The following RIMS2 variants were observed in gnomAD, a reference collection of about 807,000 sequenced individuals.
The protein encoded by RIMS2 is regulating synaptic membrane exocytosis 2, also known as regulating synaptic membrane exocytosis protein 2.
A neutral mutation model predicts 174.4 loss-of-function variants in RIMS2; 59 were observed. The ratio of observed to expected loss-of-function variants is 0.34; its 90% CI spans 0.27 to 0.42. The LOEUF (loss-of-function observed/expected upper bound fraction) is 0.42. Ranked by LOEUF, RIMS2 falls within the 10% of genes least tolerant of loss-of-function variation. RIMS2 has a pLI of 1.00. For missense variants in RIMS2, 1,620 were observed against 1,666.3 expected, an observed-to-expected ratio of 0.97 and a Z score of 0.48; for synonymous variants, 606 against 572.5, an observed-to-expected ratio of 1.06 and a Z score of -0.84.
At chr8:103,550,643 T>C (rs1187305887) in intron 1 of RIMS2, among the ~76,000 whole-genome samples, 1 of 151,228 alleles carries the variant, frequency 6.6e-6, no homozygotes. Context: ...CAAAAAACCC[T>C]TCAAAAAAAT....
chr8:103,732,471 C>T (rs772326032), intron 2 of RIMS2, among the ~76,000 whole-genome samples: 3 of 152,158 alleles, frequency 2.0e-5, no homozygotes, highest in African/African-American at 7.2e-5. Context: ...TCACTCAAGG[C>T]TTAAGGGCTC....
At chr8:103,600,176 C>G (rs1028026762) in intron 1 of RIMS2, among the ~76,000 whole-genome samples, 2 of 152,150 alleles carry the variant, frequency 1.3e-5, no homozygotes, top group Non-Finnish European at 2.9e-5. Context: ...TGTCTTACCC[C>G]CAGTTGCATC....
chr8:103,635,310 T>C (rs530559912), intron 1 of RIMS2, among the ~76,000 whole-genome samples: 4 of 152,238 alleles, frequency 2.6e-5, no homozygotes, highest in Non-Finnish European at 5.9e-5. Context: ...AGAGAGGCTT[T>C]CAGTTGTCCC....
intron 19 of RIMS2, among the ~76,000 whole-genome samples, chr8:104,040,809 T>C (rs905497833): frequency 8.6e-5 from 13 of 151,722 alleles, no homozygotes; most frequent in African/African-American, 3.1e-4. Flanking sequence ...CCATTCTTTG[T>C]TTTTGTGTGC....
intron 15 of RIMS2, 49 bp downstream of exon 17, chr8:103,961,182 A>G: frequency 1.2e-6 from 1 of 835,078 alleles, no homozygotes; most frequent in Non-Finnish European, 2.1e-6. Context: ...AGTGCAATTC[A>G]TCATCATTTA....
intron 19 of RIMS2, among the ~76,000 whole-genome samples, chr8:104,047,878 T>C (rs1041028359): frequency 6.6e-6 from 1 of 152,130 alleles, no homozygotes; most frequent in African/African-American, 2.4e-5. Flanking sequence ...AGCAAGAGCA[T>C]TGAAATCAGA....
chr8:104,117,294 G>A (rs761209730), intron 19 of RIMS2, among the ~76,000 whole-genome samples: 1 of 151,944 alleles, frequency 6.6e-6, no homozygotes, highest in Non-Finnish European at 1.5e-5. Context: ...GTAAGTTTTG[G>A]ATATCTTATA....
At chr8:104,220,827 G>A (rs2099151498) in intron 19 of RIMS2, among the ~76,000 whole-genome samples, 1 of 151,976 alleles carries the variant, frequency 6.6e-6, no homozygotes, top group South Asian at 2.1e-4. Context: ...GGCTGGTCTC[G>A]AACTTCTGAG....
intron 19 of RIMS2, among the ~76,000 whole-genome samples, chr8:104,167,960 A>G (rs1439655372): frequency 6.6e-6 from 1 of 152,060 alleles, no homozygotes; most frequent in Admixed American, 6.5e-5. Flanking sequence ...TGTTTTGTTG[A>G]AGATTAGTTG....
At chr8:103,522,667 T>A (rs1832272943) in intron 1 of RIMS2, among the ~76,000 whole-genome samples, 1 of 152,154 alleles carries the variant, frequency 6.6e-6, no homozygotes, top group Non-Finnish European at 1.5e-5. Context: ...CTCTCCTCAG[T>A]CCCTAGTGCA....
At chr8:104,161,624 C>T (rs1321911744) in intron 19 of RIMS2, among the ~76,000 whole-genome samples, 2 of 152,158 alleles carry the variant, frequency 1.3e-5, no homozygotes, top group Non-Finnish European at 2.9e-5. Context: ...TATGGTGTAT[C>T]AGTTTCCTAT....
intron 1 of RIMS2, among the ~76,000 whole-genome samples, chr8:103,540,205 G>T (rs999657801): frequency 1.9e-4 from 29 of 152,128 alleles, no homozygotes; most frequent in African/African-American, 7.0e-4. Flanking sequence ...ATCTGACACT[G>T]TTGCCACCAC....
At chr8:103,818,103 T>C (rs1007460274) in intron 3 of RIMS2, among the ~76,000 whole-genome samples, 1 of 152,078 alleles carries the variant, frequency 6.6e-6, no homozygotes. Context: ...GTTTAAAAAT[T>C]TATATTATTA....
chr8:103,578,307 A>G (rs989580076), intron 1 of RIMS2, among the ~76,000 whole-genome samples: 1 of 152,134 alleles, frequency 6.6e-6, no homozygotes, highest in Non-Finnish European at 1.5e-5. Flanking sequence ...AGGCAGGTGG[A>G]TCATTTGAAG....
chr8:103,709,345 T>G (rs2097273516), intron 2 of RIMS2, among the ~76,000 whole-genome samples: 1 of 151,794 alleles, frequency 6.6e-6, no homozygotes, highest in East Asian at 1.9e-4. Context: ...TGTGGGTTTT[T>G]TTTTTTTTTT....
intron 19 of RIMS2, among the ~76,000 whole-genome samples, chr8:104,235,658 A>T: frequency 6.6e-6 from 1 of 152,044 alleles, no homozygotes; most frequent in Admixed American, 6.6e-5. Flanking sequence ...CTTTTCACTC[A>T]TACACACACA....
intron 1 of RIMS2, among the ~76,000 whole-genome samples, chr8:103,534,640 C>G (rs1838961041): frequency 6.6e-6 from 1 of 152,126 alleles, no homozygotes; most frequent in African/African-American, 2.4e-5. Context: ...TCAGCATTAA[C>G]AACAGGACAT....
chr8:103,885,906 C>G lies in RIMS2; in HGVS notation c.1307C>G (p.Pro436Arg), dbSNP rs374105959. 8.1e-6 allele frequency: 13 copies of G among 1,612,494 alleles called. No individual in the cohort carries two copies. In the South Asian group the frequency reaches 9.9e-5, roughly 12 times the overall value. ...ACCACAAACCATAGTCCTCCTACCC[C>G]CAGGAGGAGTCCACTACCCATAGAT... The change falls in exon 4 of 24, where the codon CCC (proline) becomes CGC (arginine). Residue 436 changes from proline (P) to arginine (R), a missense_variant. By Grantham distance (103) the Pro-to-Arg change is moderately radical. This residue lies in a region of RIMS2 where 1,395 missense variants were observed against 1,360.1 expected (regional missense o/e 1.03). Coordinates refer to ENST00000504942, the Ensembl canonical transcript of RIMS2.
intron 19 of RIMS2, among the ~76,000 whole-genome samples, chr8:104,084,336 G>A (rs1399140950): frequency 6.6e-6 from 1 of 150,708 alleles, no homozygotes; most frequent in African/African-American, 2.4e-5. Context: ...AGCTACTTGG[G>A]AGGCTGAGGC....
Sources: gnomAD v4.1 joint callset for allele counts (sites outside exome capture counted in the v4.1 genomes callset) on GRCh38, gnomAD v4.1.1 for gene constraint, gnomAD v4.1.1 regional missense constraint, MANE v1.5 for transcripts, NCBI Gene and HGNC (gene_info 2026-07-23, HGNC 2026-07-21) for gene names.